RPS6KA5: variants seen among roughly 807,000 people sequenced by gnomAD.
RPS6KA5 encodes ribosomal protein S6 kinase A5, also known as ribosomal protein S6 kinase alpha-5.
In RPS6KA5, 27 loss-of-function variants were observed where a neutral mutation model predicts 85.5. That is an observed-to-expected ratio of 0.32 (90% CI 0.23 to 0.44). The LOEUF is 0.44. Ranked by LOEUF, RPS6KA5 falls within the 20% of genes least tolerant of loss-of-function variation. The pLI is 1.00. For missense variants in RPS6KA5, 811 were observed against 980.9 expected, an observed-to-expected ratio of 0.83 and a Z score of 2.31; for synonymous variants, 334 against 348.2, an observed-to-expected ratio of 0.96 and a Z score of 0.46.
At chr14:90,975,607 T>G (rs1476990139) in intron 3 of RPS6KA5, among the ~76,000 whole-genome samples, 4 of 152,326 alleles carry the variant, frequency 2.6e-5, no homozygotes, top group African/African-American at 9.6e-5. Context: ...AGTGGCACAT[T>G]GATCTTGGAC....
At chr14:90,941,413 C>T (rs1446334614) in intron 5 of RPS6KA5, among the ~76,000 whole-genome samples, 2 of 152,134 alleles carry the variant, frequency 1.3e-5, no homozygotes, top group Non-Finnish European at 2.9e-5. Context: ...AGCCACTGTG[C>T]TCAGTGAAGT....
At chr14:90,933,426 T>C (rs1036230743) in intron 5 of RPS6KA5, among the ~76,000 whole-genome samples, 4 of 152,176 alleles carry the variant, frequency 2.6e-5, no homozygotes, top group Admixed American at 2.0e-4. Flanking sequence ...GCCAAAAACC[T>C]TGGGGCCACA....
chr14:90,959,856 A>G (rs1038928256), intron 3 of RPS6KA5, among the ~76,000 whole-genome samples: 2 of 152,248 alleles, frequency 1.3e-5, no homozygotes, highest in African/African-American at 4.8e-5. Context: ...TTTAAGGAAC[A>G]TCACCTTAAA....
Position 90,866,528 on chromosome 14 carries a change from A to G in RPS6KA5, c.*5546T>C, listed in dbSNP as rs1172079630. 6.6e-6 allele frequency: 1 copy of G among 152,228 alleles called. No individual in the cohort carries two copies. Among genetic ancestry groups the G allele is most frequent in the Non-Finnish European group, 1.5e-5 (1 of 68,044 alleles). The allele number at this position is 152,228 out of a possible 1,614,324, so 9.4% of individuals were successfully genotyped here. A position where few individuals can be genotyped will look rare whatever the true frequency, so the allele number is the denominator to read the frequency against. On this transcript the variant is annotated 3_prime_UTR_variant, in exon 17 of 17. Coordinates refer to ENST00000614987, the MANE Select transcript of RPS6KA5 (RefSeq NM_004755.4). Reference sequence around the variant, plus strand: ...ATACTTTTAATTGTCCACATAGAATAGAGGAAAAACAATGTTTTTCATCTT... The same window carrying G: ...ATACTTTTAATTGTCCACATAGAATGGAGGAAAAACAATGTTTTTCATCTT...
intron 1 of RPS6KA5, among the ~76,000 whole-genome samples, chr14:91,049,681 T>C (rs117563293): frequency 4.0e-3 from 612 of 152,180 alleles, no homozygotes; most frequent in Non-Finnish European, 6.0e-3. Flanking sequence ...AACACACACA[T>C]ATTCAGTATG....
intron 3 of RPS6KA5, among the ~76,000 whole-genome samples, chr14:90,954,769 G>A (rs1026884944): frequency 6.6e-6 from 1 of 152,118 alleles, no homozygotes; most frequent in Non-Finnish European, 1.5e-5. Context: ...TTCTTTACTT[G>A]TCTATTCAGA....
At chr14:90,952,092 G>C (rs1041423123) in intron 3 of RPS6KA5, among the ~76,000 whole-genome samples, 10 of 152,200 alleles carry the variant, frequency 6.6e-5, no homozygotes, top group African/African-American at 1.9e-4. Flanking sequence ...CTTTACGGCA[G>C]AGAACATCAG....
chr14:90,898,357 C>A (rs2034960213), intron 12 of RPS6KA5, among the ~76,000 whole-genome samples: 1 of 152,148 alleles, frequency 6.6e-6, no homozygotes, highest in South Asian at 2.1e-4. Flanking sequence ...TATGGTGCTA[C>A]TGCTGCTGCT....
At chr14:91,042,409 G>A (rs568328673) in intron 1 of RPS6KA5, among the ~76,000 whole-genome samples, 2 of 152,070 alleles carry the variant, frequency 1.3e-5, no homozygotes, top group Non-Finnish European at 2.9e-5. Context: ...CTATTCCGGA[G>A]GCTGAGGCAG....
intron 5 of RPS6KA5, among the ~76,000 whole-genome samples, chr14:90,933,213 C>T (rs1828061869): frequency 6.6e-6 from 1 of 152,164 alleles, no homozygotes; most frequent in South Asian, 2.1e-4. Flanking sequence ...TTTCCAAATT[C>T]CAAATTCATA....
chr14:91,002,034 T>C (rs1054130913), intron 1 of RPS6KA5, among the ~76,000 whole-genome samples: 10 of 152,170 alleles, frequency 6.6e-5, no homozygotes, highest in African/African-American at 2.4e-4. Flanking sequence ...ACAAAATTAC[T>C]TTTTAAGGTA....
At chr14:90,943,901 G>A (rs1265124401) in intron 4 of RPS6KA5, among the ~76,000 whole-genome samples, 2 of 152,056 alleles carry the variant, frequency 1.3e-5, no homozygotes, top group African/African-American at 4.8e-5. Flanking sequence ...CACCCAGGCT[G>A]GAGTGCAGTG....
rs1024898975 is a variant in RPS6KA5 at position 90,861,183 on chromosome 14, G to C, written c.*10891C>G. 1.7e-4 allele frequency: 26 copies of C among 150,782 alleles called. No individual in the cohort carries two copies. The highest frequency in any genetic ancestry group is 6.3e-4 in the African/African-American group (26 of 41,162). The allele number at this position is 150,782 out of a possible 1,614,324, so 9.3% of individuals were successfully genotyped here. The stretch of plus-strand genomic sequence containing the variant: ...GCTGGGATTACAGGCGTGAGCCACA[G>C]TGCCCAGCCAGAGTCTTTAAAATAT... On this transcript the variant is annotated 3_prime_UTR_variant, in exon 17 of 17. Coordinates refer to ENST00000614987, the MANE Select transcript of RPS6KA5 (RefSeq NM_004755.4).
At chr14:91,052,285 TAAAAAAAAAAAAAAAAAAAA>T (rs57523052) in intron 1 of RPS6KA5, 1 of 210,394 alleles carries the variant, frequency 4.8e-6, no homozygotes, top group East Asian at 2.2e-4. Context: ...CCATCTCTAC[TAAAAAAAAAAAAAAAAAAAA>T]AAAAAAAAAA....
chr14:91,044,298 AG>A (rs1566901567), intron 1 of RPS6KA5, among the ~76,000 whole-genome samples: 1 of 135,462 alleles, frequency 7.4e-6, no homozygotes, highest in African/African-American at 2.7e-5. Flanking sequence ...AGAGAGAAAG[AG>A]AGAGAAAGAG....
chr14:90,989,648 A>G (rs117987081), intron 2 of RPS6KA5, among the ~76,000 whole-genome samples: 1,762 of 152,314 alleles, frequency 0.012, 21 homozygotes, highest in Non-Finnish European at 0.015. Context: ...AAATGGTCAA[A>G]AGGAAGGCAG....
At chr14:90,893,140 T>TAA (rs1342592785) in intron 13 of RPS6KA5, among the ~76,000 whole-genome samples, 1 of 152,030 alleles carries the variant, frequency 6.6e-6, no homozygotes, top group Admixed American at 6.5e-5. Context: ...TCTTTTCAAT[T>TAA]AAAAAAAACT....
chr14:90,886,822 A>C (rs568459957), intron 14 of RPS6KA5, among the ~76,000 whole-genome samples: 2 of 152,362 alleles, frequency 1.3e-5, no homozygotes, highest in East Asian at 3.9e-4. Flanking sequence ...TACATTTCAG[A>C]CAGGGATTGT....
chr14:90,903,558 G>A (rs2035309420), intron 8 of RPS6KA5, among the ~76,000 whole-genome samples: 1 of 152,166 alleles, frequency 6.6e-6, no homozygotes, highest in Admixed American at 6.5e-5. Context: ...ATTCAACTGT[G>A]TTCAAGCATT....
Sources: allele counts gnomAD v4.1 joint callset (sites outside exome capture counted in the v4.1 genomes callset), GRCh38; gene constraint gnomAD v4.1.1; transcripts MANE v1.5; gene names NCBI Gene and HGNC (gene_info 2026-07-23, HGNC 2026-07-21).